CCDC110: variants seen among roughly 807,000 people sequenced by gnomAD.
CCDC110 encodes the protein coiled-coil domain-containing protein 110.
CCDC110 carries 70 observed loss-of-function variants against 77.1 expected under a neutral mutation model. The observed-to-expected ratio is 0.91, with a 90% CI of 0.75 to 1.11. The LOEUF (loss-of-function observed/expected upper bound fraction) is 1.11. Among genes scored for constraint, CCDC110 ranks in the 50% least tolerant of loss-of-function variants. The pLI, the probability that CCDC110 is intolerant of heterozygous loss-of-function variation, is 0.00. For synonymous variants in CCDC110, 295 were observed against 312.5 expected (o/e 0.94, Z 0.59); for missense variants, 868 against 942.9 (o/e 0.92, Z 1.04).
intron 6 of CCDC110, among the ~76,000 whole-genome samples, chr4:185,447,883 T>G (rs988327271): frequency 6.6e-6 from 1 of 152,250 alleles, no homozygotes; most frequent in Non-Finnish European, 1.5e-5. Flanking sequence ...TGAGATGCTA[T>G]TATAAGTGAG....
intron 6 of CCDC110, among the ~76,000 whole-genome samples, chr4:185,454,947 G>A (rs1415331485): frequency 2.6e-5 from 4 of 152,006 alleles, no homozygotes; most frequent in Admixed American, 1.3e-4. Context: ...TAAACTTCTT[G>A]ATACTTAAAA....
chr4:185,462,998 A>G lies in CCDC110; in HGVS notation c.167T>C (p.Leu56Ser), dbSNP rs1248368823. The change falls in exon 3 of 7, where the codon TTG becomes TCG. Residue 56 changes from leucine to serine, a missense_variant. Transcript: ENST00000307588. ...TAAAATGGAATATAGACTCACTTTCAATGCTGATTGTGGTTGGATTTGATT... is the reference window on the plus strand; with the variant it reads ...TAAAATGGAATATAGACTCACTTTCGATGCTGATTGTGGTTGGATTTGATT... ...SENQIQPQSA[L>S]KVLQQQLESF... 5.6e-6 allele frequency: 9 copies of G among 1,612,822 alleles called. No homozygotes were observed. Among genetic ancestry groups the G allele is most frequent in the Non-Finnish European group, 7.6e-6 (9 of 1,178,966 alleles).
At chr4:185,447,655 T>A (rs2095617873) in intron 6 of CCDC110, among the ~76,000 whole-genome samples, 1 of 152,102 alleles carries the variant, frequency 6.6e-6, no homozygotes, top group Non-Finnish European at 1.5e-5. Context: ...AAGCCATGTA[T>A]GCATCTCATT....
At chr4:185,448,171 C>T (rs1317924845) in intron 6 of CCDC110, among the ~76,000 whole-genome samples, 1 of 152,090 alleles carries the variant, frequency 6.6e-6, no homozygotes, top group African/African-American at 2.4e-5. Context: ...CAGGCGCCCA[C>T]CACCACGCCC....
At chr4:185,466,651 C>T (rs774839977) in intron 2 of CCDC110, among the ~76,000 whole-genome samples, 6 of 151,906 alleles carry the variant, frequency 3.9e-5, no homozygotes, top group Non-Finnish European at 8.8e-5. Context: ...CTCACTGCAG[C>T]CTCCACCTCC....
Position 185,462,813 on chromosome 4 carries a change from A to T in CCDC110, c.172-105T>A, listed in dbSNP as rs965649229. 8.9e-6 allele frequency: 10 copies of T among 1,121,516 alleles called. No individual in the cohort carries two copies. The African/African-American group carries it at 1.5e-4, about 17-fold the overall frequency. 69.5% of individuals were successfully genotyped at this position (1,121,516 alleles called of 1,614,324 possible). A position where few individuals can be genotyped will look rare whatever the true frequency, so the allele number is the denominator to read the frequency against. ...CCAAAGTTGCCTATTACTTGAAAAG[A>T]TCCCGTGAGGGTCAGGTGGTTCACA... On this transcript the variant is annotated intron_variant, in intron 3 of 6. Transcript: ENST00000307588.
intron 6 of CCDC110, among the ~76,000 whole-genome samples, chr4:185,450,096 A>C (rs112147594): frequency 0.013 from 1,961 of 152,302 alleles, 48 homozygotes; most frequent in African/African-American, 0.045. Context: ...TCAAAGATAA[A>C]TGTTAGATCC....
rs754358857 is a variant in CCDC110, at chr4:185,458,107, T to C, written c.2461+19A>G. 6.7e-7 allele frequency: 1 copy of C among 1,490,122 alleles called. No homozygotes were observed. The highest frequency in any genetic ancestry group is 8.9e-7 in the Non-Finnish European group (1 of 1,117,914). The allele number at this position is 1,490,122 out of a possible 1,614,324, so 92.3% of individuals were successfully genotyped here. A position where few individuals can be genotyped will look rare whatever the true frequency, so the allele number is the denominator to read the frequency against. ...AGAATCTTAAACACATCTCTACTAATCTACCAGGACTTGCGTACCTTTCAA... is the reference window on the plus strand; with the variant it reads ...AGAATCTTAAACACATCTCTACTAACCTACCAGGACTTGCGTACCTTTCAA... On this transcript the variant is annotated intron_variant, in intron 6 of 6. Transcript: ENST00000307588.
At chr4:185,457,989 T>C (rs2095638539) in intron 6 of CCDC110, 137 bp downstream of exon 6, 1 of 657,662 alleles carries the variant, frequency 1.5e-6, no homozygotes, top group Non-Finnish European at 2.3e-6. Flanking sequence ...TTTCACTGTA[T>C]AATAAATTGG....
intron 6 of CCDC110, among the ~76,000 whole-genome samples, chr4:185,445,897 A>G (rs368274134): frequency 6.6e-6 from 1 of 152,292 alleles, no homozygotes; most frequent in East Asian, 1.9e-4. Context: ...GCTGGGGTAC[A>G]ATGGCGTGAT....
Position 185,471,058 on chromosome 4 carries a change from G to C in CCDC110, c.11-9C>G. On this transcript the variant is annotated splice_polypyrimidine_tract_variant and intron_variant, in intron 1 of 6. Coordinates refer to ENST00000307588, the MANE Select transcript of CCDC110 (RefSeq NM_152775.4). ...TTCCCGGTGCTGCTTTTCTGTAACA[G>C]AACCGTCCGGGGCTGTTCTGTCGCG... 1 of 1,455,008 alleles carries C rather than the reference G, an allele frequency of 6.9e-7. No homozygotes were observed. The highest frequency in any genetic ancestry group is 9.1e-7 in the Non-Finnish European group (1 of 1,094,248). The allele number at this position is 1,455,008 out of a possible 1,614,324, so 90.1% of individuals were successfully genotyped here.
chr4:185,459,089 A>C lies in CCDC110; in HGVS notation c.1498T>G (p.Tyr500Asp), dbSNP rs59319722. ...AATTCTTTAAGACACTCTTTGCTGTATTCTTCTGTTTTACTTAACTTAGAC... is the reference window on the plus strand; with the variant it reads ...AATTCTTTAAGACACTCTTTGCTGTCTTCTTCTGTTTTACTTAACTTAGAC... ...IQSKLSKTEE[Y>D]SKECLKEFKK... is the part of the protein sequence containing the mutation. Residue 500 changes from tyrosine (Y) to aspartate (D), a missense_variant, in exon 6 of 7, where the codon TAC (tyrosine) becomes GAC (aspartate). Coordinates refer to ENST00000307588, the MANE Select transcript of CCDC110 (RefSeq NM_152775.4). 806,731 of 1,575,176 alleles carry C rather than the reference A, an allele frequency of 0.51. 211,708 individuals are homozygous for C. The highest frequency in any genetic ancestry group is 0.57 in the Middle Eastern group (3,313 of 5,848).
At chr4:185,461,006 T>TTTTTTTTTTTTTTTTTTTTTA in intron 5 of CCDC110, 43 bp downstream of exon 5, 1 of 991,232 alleles carries the variant, frequency 1.0e-6, no homozygotes, top group Non-Finnish European at 1.6e-6. Flanking sequence ...AGTCACGTTT[T>TTTTTTTTTTTTTTTTTTTTTA]GAAGTACCTA....
intron 2 of CCDC110, chr4:185,470,676 G>T: frequency 1.8e-6 from 1 of 561,612 alleles, no homozygotes; most frequent in South Asian, 1.5e-5. Context: ...CGCTGCCTGT[G>T]TGACCTTAGG....
Position 185,459,591 on chromosome 4 carries a change from G to T in CCDC110, c.996C>A (p.Phe332Leu), listed in dbSNP as rs1336965259. 1.2e-6 allele frequency: 2 copies of T among 1,613,176 alleles called. No individual in the cohort carries two copies. The highest frequency in any genetic ancestry group is 1.1e-5 in the South Asian group (1 of 90,954). The change falls in exon 6 of 7, where the codon TTC becomes TTA. Residue 332 changes from phenylalanine to leucine, a missense_variant. Physicochemically the swap from Phe to Leu is conservative, Grantham distance 22. Coordinates refer to ENST00000307588, the MANE Select transcript of CCDC110 (RefSeq NM_152775.4). ...LLPFRETVSK[F>L]HVHFCRKCKK... The stretch of plus-strand genomic sequence containing the variant: ...TACATTTTCTACAAAAATGCACATG[G>T]AATTTTGACACAGTTTCCCTGAAGG...
chr4:185,459,499 A>G lies in CCDC110; in HGVS notation c.1088T>C (p.Ile363Thr). ...KNEKNNKEIP[I>T]TGKNITDLKF... ...TAAATCTGTAATATTTTTGCCAGTG[A>G]TGGGAATTTCTTTATTGTTTTTCTC... Residue 363 changes from isoleucine to threonine, a missense_variant, in exon 6 of 7, where the codon ATC becomes ACC. Ile to Thr is a moderately conservative substitution (Grantham distance 89). Transcript: ENST00000307588. 6.2e-7 allele frequency: 1 copy of G among 1,613,624 alleles called. No homozygotes were observed. Among genetic ancestry groups the G allele is most frequent in the South Asian group, 1.1e-5 (1 of 91,052 alleles).
intron 6 of CCDC110, among the ~76,000 whole-genome samples, chr4:185,452,623 G>C (rs750740102): frequency 6.6e-6 from 1 of 152,096 alleles, no homozygotes; most frequent in African/African-American, 2.4e-5. Flanking sequence ...GGCCGGGCTC[G>C]GTGGCTCATG....
intron 6 of CCDC110, among the ~76,000 whole-genome samples, chr4:185,449,249 G>A (rs750192667): frequency 8.5e-5 from 13 of 152,110 alleles, no homozygotes; most frequent in African/African-American, 1.2e-4. Context: ...TAGGCTGGGC[G>A]TGTTGGCTCG....
rs965718868 is a variant in CCDC110, at chr4:185,445,310, C to A, written c.*192G>T. The A allele has an allele frequency of 1.4e-6, 1 of 710,024 alleles. No individual in the cohort carries two copies. Among genetic ancestry groups the A allele is most frequent in the Non-Finnish European group, 2.3e-6 (1 of 438,336 alleles). The allele number at this position is 710,024 out of a possible 1,614,324, so 44.0% of individuals were successfully genotyped here. A position where few individuals can be genotyped will look rare whatever the true frequency, so the allele number is the denominator to read the frequency against. Reference sequence around the variant, plus strand: ...GCCCTCCCTTGTAGAAGTTCTCCCCCATCTTCTGAAATTCCCAGCTGAGAA... The same window carrying A: ...GCCCTCCCTTGTAGAAGTTCTCCCCAATCTTCTGAAATTCCCAGCTGAGAA... On this transcript the variant is annotated 3_prime_UTR_variant, in exon 7 of 7. Transcript: ENST00000307588.
Sources: allele counts gnomAD v4.1 joint callset (sites outside exome capture counted in the v4.1 genomes callset), GRCh38; gene constraint gnomAD v4.1.1; transcripts MANE v1.5; gene names NCBI Gene and HGNC (gene_info 2026-07-23, HGNC 2026-07-21).